Variants in GAS2L3 observed in about 807,000 individuals in gnomAD.
GAS2L3 encodes the protein growth arrest specific 2 like 3.
Under a neutral mutation model 37.0 loss-of-function variants are expected in GAS2L3, and 28 were observed. The observed-to-expected ratio is 0.76, with a 90% CI of 0.56 to 1.04. The LOEUF (loss-of-function observed/expected upper bound fraction) is 1.04, where lower values mean the gene tolerates loss of function less well. Ranked by LOEUF, GAS2L3 falls within the 50% of genes least tolerant of loss-of-function variation. The probability of loss-of-function intolerance (pLI) is 0.00; values close to 1 mark genes in which losing one functional copy is unlikely to be tolerated. For synonymous variants in GAS2L3, 290 were observed against 296.6 expected (o/e 0.98, Z 0.23); for missense variants, 793 against 817.6 (o/e 0.97, Z 0.37).
chr12:100,611,586 G>T (rs187282630), intron 5 of GAS2L3, among the ~76,000 whole-genome samples: 1 of 152,070 alleles, frequency 6.6e-6, no homozygotes, highest in African/African-American at 2.4e-5. Flanking sequence ...GTGGTTTTGG[G>T]ATGTAACTAC....
chr12:100,607,410 G>A (rs1300452583), intron 5 of GAS2L3, among the ~76,000 whole-genome samples: 1 of 152,042 alleles, frequency 6.6e-6, no homozygotes, highest in Non-Finnish European at 1.5e-5. Context: ...TGTTCTTTGG[G>A]TTAAATCTGC....
In GAS2L3 at chr12:100,601,707, A is replaced by T; in HGVS notation, c.257A>T (p.Asp86Val). ...DNGVLLCQLIDVLQNMVKTCN... is the reference protein window; with the variant it reads ...DNGVLLCQLIVVLQNMVKTCN... ...GGAGTACTATTATGTCAACTGATTGATGTTCTTCAAAACATGGTGAAAACA... is the reference window on the plus strand; with the variant it reads ...GGAGTACTATTATGTCAACTGATTGTTGTTCTTCAAAACATGGTGAAAACA... Residue 86 changes from aspartate to valine, a missense_variant, in exon 5 of 10, where the codon GAT becomes GTT. Coordinates refer to ENST00000547754, the MANE Select transcript of GAS2L3 (RefSeq NM_174942.3). The T allele has an allele frequency of 6.2e-7, 1 of 1,604,762 alleles. No homozygotes were observed. Among genetic ancestry groups the T allele is most frequent in the African/African-American group, 1.3e-5 (1 of 74,788 alleles).
intron 2 of GAS2L3, chr12:100,592,576 G>A (rs974118354): frequency 6.6e-6 from 1 of 152,094 alleles, no homozygotes; most frequent in Non-Finnish European, 1.5e-5. Context: ...AGTACCTCAT[G>A]ACTTTTTAAA....
chr12:100,616,709 A>G (rs1956192085), intron 6 of GAS2L3, among the ~76,000 whole-genome samples: 2 of 152,158 alleles, frequency 1.3e-5, no homozygotes, highest in South Asian at 4.1e-4. Context: ...TCAGTCTCCC[A>G]AAGTGCTAGG....
At position 100,601,768 on chromosome 12, in the gene GAS2L3, G is replaced by A. The variant is rs374986369; in HGVS notation, c.303+15G>A. On this transcript the variant is annotated intron_variant, in intron 5 of 9. Coordinates refer to ENST00000547754, the MANE Select transcript of GAS2L3 (RefSeq NM_174942.3). ...AAGAATCAGGGGTAAGTAAATGTTC[G>A]ACAGTATTGATTTTATGTCTTGGTA... 200 of 1,323,748 alleles carry A rather than the reference G, an allele frequency of 1.5e-4. No individual in the cohort carries two copies. Among genetic ancestry groups the A allele is most frequent in the Middle Eastern group, 7.5e-4 (4 of 5,332 alleles). The allele number at this position is 1,323,748 out of a possible 1,614,324, so 82.0% of individuals were successfully genotyped here. A position where few individuals can be genotyped will look rare whatever the true frequency, so the allele number is the denominator to read the frequency against.
chr12:100,613,982 A>T (rs1956157608), intron 6 of GAS2L3, among the ~76,000 whole-genome samples: 1 of 152,180 alleles, frequency 6.6e-6, no homozygotes, highest in Admixed American at 6.5e-5. Flanking sequence ...GAAGTTTCCT[A>T]GAGTTTCTAA....
chr12:100,601,143 C>A (rs1465744044), intron 4 of GAS2L3, among the ~76,000 whole-genome samples: 1 of 152,042 alleles, frequency 6.6e-6, no homozygotes, highest in African/African-American at 2.4e-5. Context: ...TTAAAAGATA[C>A]AGCTCTTCCA....
chr12:100,596,824 C>A (rs1335688742), intron 3 of GAS2L3, among the ~76,000 whole-genome samples: 3 of 151,964 alleles, frequency 2.0e-5, no homozygotes, highest in African/African-American at 7.2e-5. Context: ...TGAAAAGGCC[C>A]ATTTGTATAT....
chr12:100,620,707 C>T (rs146186435), intron 8 of GAS2L3, among the ~76,000 whole-genome samples: 5 of 152,032 alleles, frequency 3.3e-5, no homozygotes, highest in East Asian at 1.9e-4. Context: ...TTCTGATTCA[C>T]GATTTAGGGT....
At chr12:100,613,598 CTTTT>C (rs1230483335) in intron 6 of GAS2L3, among the ~76,000 whole-genome samples, 1 of 141,128 alleles carries the variant, frequency 7.1e-6, no homozygotes, top group Non-Finnish European at 1.6e-5. Context: ...CCATTTCTTT[CTTTT>C]TTTTTTTTTT....
chr12:100,580,489 A>G (rs1955696990), intron 1 of GAS2L3, among the ~76,000 whole-genome samples: 1 of 152,180 alleles, frequency 6.6e-6, no homozygotes, highest in African/African-American at 2.4e-5. Flanking sequence ...ATGTTTTAAC[A>G]TTATATTTTG....
intron 1 of GAS2L3, 93 bp from the exon 2 acceptor site, chr12:100,591,643 G>A (rs183149446): frequency 6.6e-6 from 1 of 152,150 alleles, no homozygotes; most frequent in Admixed American, 6.5e-5. Context: ...CATTTGTTAA[G>A]TGCTAACTGT....
In GAS2L3 at chr12:100,612,125, TG is replaced by T; in HGVS notation, c.430del (p.Glu144AsnfsTer5). On this transcript the variant is annotated frameshift_variant, in exon 6 of 10. Transcript: ENST00000547754. LOFTEE classifies it high-confidence loss of function. ...TTGGGGTTGATGAAACTTACCTCTT[TG>T]AATCTGAAGGTTTAGGTAAGTGATG... Reference protein sequence around the residue: ...DIGVDETYLFESEGLVLHKDP... With the variant: ...DIGVDETYLFXSEGLVLHKDP... 1 of 1,613,460 alleles carries T rather than the reference TG, an allele frequency of 6.2e-7. No homozygotes were observed. The highest frequency in any genetic ancestry group is 1.1e-5 in the South Asian group (1 of 91,018).
intron 5 of GAS2L3, among the ~76,000 whole-genome samples, chr12:100,605,068 A>G (rs1593177196): frequency 6.6e-6 from 1 of 151,810 alleles, no homozygotes; most frequent in Admixed American, 6.6e-5. Flanking sequence ...ATTTTTTGAT[A>G]TGTCTTTGTC....
At chr12:100,592,981 T>G (rs1955864742) in intron 2 of GAS2L3, among the ~76,000 whole-genome samples, 1 of 152,092 alleles carries the variant, frequency 6.6e-6, no homozygotes, top group East Asian at 1.9e-4. Flanking sequence ...TTTTAGGGAA[T>G]GATAGAAAAG....
chr12:100,605,917 A>G (rs565757877), intron 5 of GAS2L3, among the ~76,000 whole-genome samples: 1 of 151,960 alleles, frequency 6.6e-6, no homozygotes, highest in South Asian at 2.1e-4. Context: ...GTGACCTAAC[A>G]TATGATCTAT....
At chr12:100,594,408 G>T (rs1307941009) in intron 2 of GAS2L3, among the ~76,000 whole-genome samples, 2 of 152,024 alleles carry the variant, frequency 1.3e-5, no homozygotes, top group African/African-American at 2.4e-5. Flanking sequence ...AGCAGAATAA[G>T]CTTATAGTCA....
chr12:100,610,972 T>C (rs1482281193), intron 5 of GAS2L3: 4 of 151,064 alleles, frequency 2.6e-5, no homozygotes, highest in African/African-American at 9.8e-5. Flanking sequence ...TAAGCAAAAA[T>C]GGGTGTCTGT....
intron 1 of GAS2L3, among the ~76,000 whole-genome samples, chr12:100,585,242 C>T (rs761143237): frequency 2.0e-5 from 3 of 151,220 alleles, no homozygotes; most frequent in South Asian, 2.1e-4. Context: ...AACCAAAACA[C>T]AGCACTCTTT....
Sources: gnomAD v4.1 joint callset for allele counts (sites outside exome capture counted in the v4.1 genomes callset) on GRCh38, gnomAD v4.1.1 for gene constraint, MANE v1.5 for transcripts, NCBI Gene and HGNC (gene_info 2026-07-23, HGNC 2026-07-21) for gene names.